The following DNER variants were observed in gnomAD, a reference collection of about 807,000 sequenced individuals.
The protein encoded by DNER is delta and Notch-like epidermal growth factor-related receptor.
A neutral mutation model predicts 78.2 loss-of-function variants in DNER; 33 were observed. The ratio of observed to expected loss-of-function variants is 0.42; its 90% CI spans 0.32 to 0.56. The LOEUF (loss-of-function observed/expected upper bound fraction) is 0.56. Among genes scored for constraint, DNER ranks in the 20% least tolerant of loss-of-function variants. The probability of loss-of-function intolerance (pLI) is 0.11; values close to 1 mark genes in which losing one functional copy is unlikely to be tolerated. For missense variants in DNER, 918 were observed against 975.3 expected, an observed-to-expected ratio of 0.94 and a Z score of 0.78; for synonymous variants, 417 against 384.8, an observed-to-expected ratio of 1.08 and a Z score of -0.98.
chr2:229,403,361 A>C (rs1188977836), intron 10 of DNER, among the ~76,000 whole-genome samples: 2 of 152,222 alleles, frequency 1.3e-5, no homozygotes, highest in African/African-American at 4.8e-5. Flanking sequence ...CTATGATCAA[A>C]TAGATTTGAA....
At chr2:229,552,687 G>A (rs138182966) in intron 4 of DNER, among the ~76,000 whole-genome samples, 21 of 152,312 alleles carry the variant, frequency 1.4e-4, no homozygotes, top group African/African-American at 4.3e-4. Flanking sequence ...CTGCGGAACT[G>A]TGAGTCAGTT....
chr2:229,601,757 T>C (rs1411352150), intron 1 of DNER, among the ~76,000 whole-genome samples: 1 of 152,218 alleles, frequency 6.6e-6, no homozygotes, highest in African/African-American at 2.4e-5. Flanking sequence ...TAAAACATAC[T>C]GCATTTGGAA....
chr2:229,438,059 A>C (rs1008119186), intron 8 of DNER, among the ~76,000 whole-genome samples: 1 of 152,242 alleles, frequency 6.6e-6, no homozygotes, highest in Non-Finnish European at 1.5e-5. Context: ...CAAATCAAAT[A>C]AAATCATAAG....
chr2:229,712,011 ATC>A (rs1162045122), intron 1 of DNER, among the ~76,000 whole-genome samples: 168 of 152,320 alleles, frequency 1.1e-3, no homozygotes, highest in African/African-American at 3.6e-3. Context: ...GCCCTGAATC[ATC>A]TCAGTAAGTT....
chr2:229,458,768 A>G (rs1442482092), intron 7 of DNER, among the ~76,000 whole-genome samples: 2 of 150,544 alleles, frequency 1.3e-5, no homozygotes, highest in African/African-American at 5.0e-5. Flanking sequence ...TGGAGGTTCT[A>G]TATATGCAAA....
intron 5 of DNER, among the ~76,000 whole-genome samples, chr2:229,525,769 C>T (rs930553803): frequency 1.3e-5 from 2 of 152,132 alleles, no homozygotes; most frequent in Admixed American, 6.5e-5. Context: ...TGTGCCACCA[C>T]GCCTGGCTAA....
chr2:229,480,113 A>G (rs1444503534), intron 6 of DNER, among the ~76,000 whole-genome samples: 1 of 152,254 alleles, frequency 6.6e-6, no homozygotes, highest in Non-Finnish European at 1.5e-5. Context: ...AGTTCTTTCA[A>G]TAAAATTTTA....
intron 1 of DNER, among the ~76,000 whole-genome samples, chr2:229,592,676 T>TAGAG (rs1559176362): frequency 2.0e-5 from 3 of 152,158 alleles, no homozygotes; most frequent in African/African-American, 7.2e-5. Context: ...GTGTTGGTAG[T>TAGAG]TGCAGACACG....
intron 6 of DNER, among the ~76,000 whole-genome samples, chr2:229,497,407 C>T (rs990125408): frequency 2.0e-5 from 3 of 150,962 alleles, no homozygotes; most frequent in Non-Finnish European, 4.4e-5. Flanking sequence ...AAGAACAAAG[C>T]CCAAAGTTAA....
chr2:229,528,370 C>T (rs1217345712), intron 5 of DNER, among the ~76,000 whole-genome samples: 2 of 152,240 alleles, frequency 1.3e-5, no homozygotes, highest in Non-Finnish European at 2.9e-5. Context: ...CTACAAAGTG[C>T]TTCCACCTTT....
chr2:229,575,855 T>C (rs1316066993), intron 4 of DNER, among the ~76,000 whole-genome samples: 2 of 152,216 alleles, frequency 1.3e-5, no homozygotes, highest in African/African-American at 2.4e-5. Flanking sequence ...AATCCTAAAA[T>C]CCATTAAGTA....
chr2:229,623,603 A>G (rs1197348264), intron 1 of DNER, among the ~76,000 whole-genome samples: 1 of 152,226 alleles, frequency 6.6e-6, no homozygotes, highest in Non-Finnish European at 1.5e-5. Context: ...CAAAACCACA[A>G]TAAGGAAGAA....
chr2:229,666,618 C>T (rs185331192), intron 1 of DNER, among the ~76,000 whole-genome samples: 172 of 152,286 alleles, frequency 1.1e-3, no homozygotes, highest in African/African-American at 4.0e-3. Context: ...AAGGAAATTT[C>T]CACATGTATT....
rs570711906 is a variant in DNER, at chr2:229,393,836, G to A, written c.1724-5440C>T. On this transcript the variant is annotated intron_variant, in intron 10 of 12. Coordinates refer to ENST00000341772, the MANE Select transcript of DNER (RefSeq NM_139072.4). Reference sequence around the variant, plus strand: ...CACTCCAGCCTGGGCAACAGAGCGAGACTCCGTCTCAAAACAAAAACAAAA... The same window carrying A: ...CACTCCAGCCTGGGCAACAGAGCGAAACTCCGTCTCAAAACAAAAACAAAA... Among the ~76,000 whole-genome samples, 52 of 152,094 alleles carry A rather than the reference G, an allele frequency of 3.4e-4. 1 individual carries two copies. Among genetic ancestry groups the A allele is most frequent in the African/African-American group, 1.2e-3 (48 of 41,376 alleles).
chr2:229,575,670 C>T (rs1449500406), intron 4 of DNER, among the ~76,000 whole-genome samples: 12 of 152,146 alleles, frequency 7.9e-5, no homozygotes, highest in Non-Finnish European at 1.2e-4. Context: ...CCCATCCCAG[C>T]AGGGCCAATG....
At chr2:229,655,161 C>A (rs1372189172) in intron 1 of DNER, among the ~76,000 whole-genome samples, 1 of 152,082 alleles carries the variant, frequency 6.6e-6, no homozygotes, top group Non-Finnish European at 1.5e-5. Flanking sequence ...ATCACCACCA[C>A]CAACACCCCT....
intron 1 of DNER, among the ~76,000 whole-genome samples, chr2:229,630,604 G>A (rs1698418402): frequency 6.6e-6 from 1 of 151,798 alleles, no homozygotes; most frequent in Non-Finnish European, 1.5e-5. Flanking sequence ...TTTGGACAGA[G>A]GCTTTTTATT....
chr2:229,582,531 G>GA (rs201611644), intron 4 of DNER, among the ~76,000 whole-genome samples: 4,133 of 145,910 alleles, frequency 0.028, 59 homozygotes, highest in Middle Eastern at 0.063. Flanking sequence ...TTTTCAAAAT[G>GA]AAAAAAAAAT....
At chr2:229,361,569 T>G (rs924138804) in intron 12 of DNER, among the ~76,000 whole-genome samples, 1 of 152,102 alleles carries the variant, frequency 6.6e-6, no homozygotes, top group East Asian at 1.9e-4. Context: ...CTAAAACATT[T>G]TACAGGTCCC....
Sources: allele counts gnomAD v4.1 joint callset (sites outside exome capture counted in the v4.1 genomes callset), GRCh38; gene constraint gnomAD v4.1.1; transcripts MANE v1.5; gene names NCBI Gene and HGNC (gene_info 2026-07-23, HGNC 2026-07-21).